The following CNTN6 variants were observed in gnomAD, a reference collection of about 807,000 sequenced individuals.
CNTN6 encodes the protein contactin-6.
CNTN6 carries 137 observed loss-of-function variants against 122.8 expected under a neutral mutation model. That is an observed-to-expected ratio of 1.12 (90% CI 0.97 to 1.29). CNTN6 has a LOEUF of 1.29. Ranked by LOEUF, CNTN6 falls within the 50% of genes most tolerant of loss-of-function variation. The pLI, the probability that CNTN6 is intolerant of heterozygous loss-of-function variation, is 0.00. For synonymous variants in CNTN6, 570 were observed against 426.0 expected, an observed-to-expected ratio of 1.34 and a Z score of -4.16; for missense variants, 1,634 against 1,223.4, an observed-to-expected ratio of 1.34 and a Z score of -5.01.
At chr3:1,230,043 G>C (rs983851914) in intron 4 of CNTN6, among the ~76,000 whole-genome samples, 1 of 152,114 alleles carries the variant, frequency 6.6e-6, no homozygotes, top group Non-Finnish European at 1.5e-5. Context: ...AGAGTAAAGG[G>C]TATAAATGCC....
chr3:1,110,398 A>G (rs1281631288), intron 1 of CNTN6, among the ~76,000 whole-genome samples: 1 of 152,096 alleles, frequency 6.6e-6, no homozygotes, highest in African/African-American at 2.4e-5. Context: ...AAAGACAAAA[A>G]TTGCCTCTTG....
intron 4 of CNTN6, among the ~76,000 whole-genome samples, chr3:1,263,985 A>G (rs552538871): frequency 6.6e-6 from 1 of 151,944 alleles, no homozygotes; most frequent in Non-Finnish European, 1.5e-5. Context: ...CAGAAGAAAC[A>G]AGAAGACCAA....
intron 17 of CNTN6, among the ~76,000 whole-genome samples, chr3:1,378,303 A>G (rs953964619): frequency 1.3e-5 from 2 of 152,178 alleles, no homozygotes; most frequent in Admixed American, 6.5e-5. Flanking sequence ...TGTCAGTTAA[A>G]TGAACCTGCG....
chr3:1,202,582 A>G (rs1231260286), intron 2 of CNTN6, among the ~76,000 whole-genome samples: 11 of 148,898 alleles, frequency 7.4e-5, no homozygotes, highest in Non-Finnish European at 1.5e-5. Flanking sequence ...AAATAAATAA[A>G]TAAATACAAA....
intron 1 of CNTN6, among the ~76,000 whole-genome samples, chr3:1,141,969 A>G (rs1559386933): frequency 6.6e-6 from 1 of 152,086 alleles, no homozygotes; most frequent in African/African-American, 2.4e-5. Flanking sequence ...TCCTCTGTAA[A>G]AGATAGATAA....
intron 12 of CNTN6, among the ~76,000 whole-genome samples, chr3:1,365,625 T>C (rs537042748): frequency 8.6e-4 from 131 of 152,146 alleles, no homozygotes; most frequent in African/African-American, 2.9e-3. Context: ...TATTCCATAC[T>C]CTACCAAATG....
intron 20 of CNTN6, among the ~76,000 whole-genome samples, chr3:1,400,683 A>G (rs143534540): frequency 2.8e-4 from 43 of 152,268 alleles, no homozygotes; most frequent in African/African-American, 8.2e-4. Flanking sequence ...AATGAAGTCA[A>G]TCATCAGCTT....
chr3:1,163,287 A>AT (rs1161787815), intron 2 of CNTN6, among the ~76,000 whole-genome samples: 1 of 152,128 alleles, frequency 6.6e-6, no homozygotes, highest in Non-Finnish European at 1.5e-5. Flanking sequence ...TCTGACTGTT[A>AT]TTTTGAAATT....
intron 12 of CNTN6, among the ~76,000 whole-genome samples, chr3:1,369,047 A>C (rs1014077123): frequency 2.6e-5 from 4 of 152,070 alleles, no homozygotes; most frequent in African/African-American, 9.7e-5. Context: ...CATTTTCAGC[A>C]CATGGTTGCA....
intron 7 of CNTN6, 30 bp from the exon 8 acceptor site, chr3:1,321,620 C>A: frequency 6.4e-7 from 1 of 1,554,548 alleles, no homozygotes; most frequent in Non-Finnish European, 8.7e-7. Flanking sequence ...ATTAAACCGT[C>A]TTCTATTCTA....
At chr3:1,126,688 GC>G (rs1199032729) in intron 1 of CNTN6, among the ~76,000 whole-genome samples, 1 of 151,844 alleles carries the variant, frequency 6.6e-6, no homozygotes, top group African/African-American at 2.4e-5. Flanking sequence ...TGTTAAATGA[GC>G]TTTTCTTGGC....
At chr3:1,358,161 A>G (rs963790927) in intron 12 of CNTN6, among the ~76,000 whole-genome samples, 1 of 151,846 alleles carries the variant, frequency 6.6e-6, no homozygotes, top group Non-Finnish European at 1.5e-5. Flanking sequence ...TCCATCTCCT[A>G]TTTTTATTAA....
chr3:1,146,701 T>C (rs2092729963), intron 1 of CNTN6, among the ~76,000 whole-genome samples: 1 of 152,058 alleles, frequency 6.6e-6, no homozygotes, highest in Non-Finnish European at 1.5e-5. Context: ...ATTAACACCA[T>C]AGTGCCCATT....
intron 12 of CNTN6, among the ~76,000 whole-genome samples, chr3:1,354,837 C>T (rs73094907): frequency 6.6e-6 from 1 of 151,438 alleles, no homozygotes; most frequent in Non-Finnish European, 1.5e-5. Flanking sequence ...AAAAAACCAA[C>T]CTTTTTACAT....
chr3:1,210,344 T>C (rs894092719), intron 2 of CNTN6, among the ~76,000 whole-genome samples: 4 of 147,732 alleles, frequency 2.7e-5, no homozygotes, highest in Non-Finnish European at 6.0e-5. Flanking sequence ...TGGTAAAAGA[T>C]AAATACGTGT....
intron 4 of CNTN6, among the ~76,000 whole-genome samples, chr3:1,277,409 G>A (rs147607469): frequency 4.9e-5 from 6 of 122,644 alleles, no homozygotes; most frequent in African/African-American, 1.8e-4. Context: ...TCTCAGGCTG[G>A]AGTACAGTGG....
At chr3:1,247,613 A>G (rs2094600277) in intron 4 of CNTN6, among the ~76,000 whole-genome samples, 1 of 152,200 alleles carries the variant, frequency 6.6e-6, no homozygotes, top group Non-Finnish European at 1.5e-5. Context: ...AGCGGTACAT[A>G]TCTTTCATTG....
chr3:1,215,453 A>G (rs2094117318), intron 2 of CNTN6, among the ~76,000 whole-genome samples: 1 of 151,874 alleles, frequency 6.6e-6, no homozygotes, highest in Admixed American at 6.6e-5. Flanking sequence ...CAATTGATTT[A>G]TTTGTTATTT....
At chr3:1,266,373 CT>C (rs2094926629) in intron 4 of CNTN6, among the ~76,000 whole-genome samples, 1 of 152,150 alleles carries the variant, frequency 6.6e-6, no homozygotes, top group Non-Finnish European at 1.5e-5. Flanking sequence ...ACCATCAACC[CT>C]GCAGTCACTC....
Sources: allele counts gnomAD v4.1 joint callset (sites outside exome capture counted in the v4.1 genomes callset), GRCh38; gene constraint gnomAD v4.1.1; transcripts MANE v1.5; gene names NCBI Gene and HGNC (gene_info 2026-07-23, HGNC 2026-07-21).